WRN: variants seen among roughly 807,000 people sequenced by gnomAD.
WRN encodes bifunctional 3'-5' exonuclease/ATP-dependent helicase WRN.
Under a neutral mutation model 180.7 loss-of-function variants are expected in WRN, and 149 were observed. The observed-to-expected ratio is 0.82, with a 90% CI of 0.72 to 0.94. The LOEUF is 0.94. WRN is among the 40% of genes least tolerant of loss of function. The pLI is 0.00. For synonymous variants in WRN, 548 were observed against 568.9 expected, an observed-to-expected ratio of 0.96 and a Z score of 0.52; for missense variants, 1,661 against 1,700.1, an observed-to-expected ratio of 0.98 and a Z score of 0.40.
chr8:31,112,744 G>C (rs1394670749), intron 19 of WRN, among the ~76,000 whole-genome samples: 2 of 151,984 alleles, frequency 1.3e-5, no homozygotes, highest in Non-Finnish European at 2.9e-5. Flanking sequence ...GCGCCACCAT[G>C]CCAGGCTAAT....
In WRN at chr8:31,034,515, G is replaced by C. The variant is rs560857665; in HGVS notation, c.-77+542G>C. On this transcript the variant is annotated intron_variant, in intron 1 of 34. Transcript: ENST00000298139. Reference sequence around the variant, plus strand: ...TGCTAATACAGGAGTCTGTAAGTCGGAGTACTTCAGGCTTTTTATGGTTCG... The same window carrying C: ...TGCTAATACAGGAGTCTGTAAGTCGCAGTACTTCAGGCTTTTTATGGTTCG... 9.9e-5 allele frequency among the ~76,000 whole-genome samples: 15 copies of C among 152,280 alleles called. No individual in the cohort carries two copies. In the South Asian group the frequency reaches 3.1e-3, roughly 32 times the overall value.
At position 31,141,559 on chromosome 8, in the gene WRN, C is replaced by T. The variant is rs143954702; in HGVS notation, c.3097C>T (p.Arg1033Trp). The T allele has an allele frequency of 8.4e-5, 136 of 1,613,940 alleles. No homozygotes were observed. The highest frequency in any genetic ancestry group is 1.5e-4 in the African/African-American group (11 of 74,894). Residue 1033 changes from arginine to tryptophan, a missense_variant, in exon 25 of 35, where the codon CGG (arginine) becomes TGG (tryptophan). Arg to Trp is a moderately radical substitution (Grantham distance 101, BLOSUM62 -3). This residue lies in a region of WRN where 1,141 missense variants were observed against 1,149.4 expected (regional missense o/e 0.99). Transcript: ENST00000298139. ...ITEGFLVEVS[R>W]YNKFMKICAL... The stretch of plus-strand genomic sequence containing the variant: ...TGAGGGATTCTTGGTAGAAGTTTCT[C>T]GGTATAACAAATTTATGAAGATTTG...
At chr8:31,100,611 G>A (rs1219696494) in intron 17 of WRN, among the ~76,000 whole-genome samples, 1 of 152,114 alleles carries the variant, frequency 6.6e-6, no homozygotes, top group Non-Finnish European at 1.5e-5. Context: ...TAAATGTCTT[G>A]TTTGGATTAA....
Position 31,087,763 on chromosome 8 carries a change from T to G in WRN, c.1432-13T>G, listed in dbSNP as rs1813588647. The G allele has an allele frequency of 1.2e-6, 2 of 1,612,454 alleles. No homozygotes were observed. The highest frequency in any genetic ancestry group is 2.2e-5 in the South Asian group (2 of 90,978). On this transcript the variant is annotated splice_polypyrimidine_tract_variant and intron_variant, in intron 11 of 34. Transcript: ENST00000298139. ...CAGTGGTTTTGCTTTTAAGATTTCT[T>G]TTAAACTTTCAGTCTTTAGAAAACC...
Position 31,139,999 on chromosome 8 carries a change from C to CTT in WRN, c.2968-1429_2968-1428dup, listed in dbSNP as rs1563375284. On this transcript the variant is annotated intron_variant, in intron 24 of 34. Coordinates refer to ENST00000298139, the MANE Select transcript of WRN (RefSeq NM_000553.6). ...CATAAAGCTCTATGTTTGTATACTT[C>CTT]TTTGTTTTTTTTTTTTTTTTTTTTT... 3.8e-3 allele frequency among the ~76,000 whole-genome samples: 285 copies of CTT among 74,732 alleles called. 13 individuals carry two copies. Among genetic ancestry groups the CTT allele is most frequent in the African/African-American group, 0.014 (269 of 18,726 alleles). 49.0% of individuals were successfully genotyped at this position (74,732 alleles called of 152,430 possible). A position where few individuals can be genotyped will look rare whatever the true frequency, so the allele number is the denominator to read the frequency against.
At chr8:31,142,519 T>C (rs1481687201) in intron 26 of WRN, 107 bp from the exon 27 acceptor site, 37 of 851,622 alleles carry the variant, frequency 4.3e-5, no homozygotes, top group Non-Finnish European at 6.0e-5. Flanking sequence ...TCACCAGTTC[T>C]AAAAGGGTAA....
intron 21 of WRN, among the ~76,000 whole-genome samples, chr8:31,123,864 G>T (rs1202155952): frequency 1.3e-5 from 2 of 152,062 alleles, no homozygotes; most frequent in African/African-American, 2.4e-5. Context: ...AATTATGGCT[G>T]CATTGACTTT....
At chr8:31,089,022 G>A in intron 13 of WRN, 57 bp downstream of exon 13, 1 of 1,501,590 alleles carries the variant, frequency 6.7e-7, no homozygotes, top group Non-Finnish European at 9.1e-7. Flanking sequence ...TAAAACAAGG[G>A]AAAAGGCAAA....
chr8:31,101,054 A>G (rs550700142), intron 18 of WRN, 99 bp downstream of exon 18: 1 of 928,526 alleles, frequency 1.1e-6, no homozygotes, highest in South Asian at 1.4e-5. Flanking sequence ...TCACTATAAA[A>G]GAGCAAATGG....
chr8:31,093,761 T>C (rs1813850411), intron 16 of WRN, among the ~76,000 whole-genome samples: 1 of 152,150 alleles, frequency 6.6e-6, no homozygotes, highest in Non-Finnish European at 1.5e-5. Flanking sequence ...CCTTTTTGTT[T>C]TAACCCCAGT....
In WRN at chr8:31,111,813, G is replaced by A. The variant is rs770268829; in HGVS notation, c.2273+14G>A. The stretch of plus-strand genomic sequence containing the variant: ...TGTCAAAACAAGGTAAGGATTTAAT[G>A]GTTGATGAATTTTGGTAATGATTTC... On this transcript the variant is annotated intron_variant, in intron 19 of 34. Coordinates refer to ENST00000298139, the MANE Select transcript of WRN (RefSeq NM_000553.6). 3 of 1,610,868 alleles carry A rather than the reference G, an allele frequency of 1.9e-6. No individual in the cohort carries two copies. The highest frequency in any genetic ancestry group is 2.2e-5 in the South Asian group (2 of 90,082).
intron 34 of WRN, among the ~76,000 whole-genome samples, chr8:31,169,735 C>T (rs1234684691): frequency 2.6e-5 from 4 of 152,154 alleles, no homozygotes; most frequent in African/African-American, 9.7e-5. Context: ...ATGAGATCTA[C>T]TCTGCCATTT....
Position 31,173,891 on chromosome 8 carries a change from AG to A in WRN, c.*790del, listed in dbSNP as rs1804189321. ...TAATTTAAAACCTATACTGTGACAC[AG>A]AGTTGGGTAAACGATGATTATTTAA... On this transcript the variant is annotated 3_prime_UTR_variant, in exon 35 of 35. Coordinates refer to ENST00000298139, the MANE Select transcript of WRN (RefSeq NM_000553.6). 6.6e-6 allele frequency: 1 copy of A among 152,216 alleles called. No homozygotes were observed. The highest frequency in any genetic ancestry group is 1.5e-5 in the Non-Finnish European group (1 of 68,050). The allele number at this position is 152,216 out of a possible 1,614,324, so 9.4% of individuals were successfully genotyped here. A position where few individuals can be genotyped will look rare whatever the true frequency, so the allele number is the denominator to read the frequency against.
chr8:31,165,753 C>G (rs1386930796), intron 33 of WRN, among the ~76,000 whole-genome samples: 1 of 151,702 alleles, frequency 6.6e-6, no homozygotes, highest in African/African-American at 2.4e-5. Context: ...AATTTGAAGA[C>G]AAATAAAAGG....
chr8:31,167,195 A>G lies in WRN; in HGVS notation c.4156A>G (p.Lys1386Glu). ...PGSEEICSSS[K>E]RSKEEVGINT... ...TTCTGAAGAGATCTGTTCAAGTTCT[A>G]AGAGAAGCAAGGAAGAAGTAGGCAT... Residue 1386 changes from lysine to glutamate, a missense_variant, in exon 34 of 35, where the codon AAG (lysine) becomes GAG (glutamate). Transcript: ENST00000298139. The G allele has an allele frequency of 6.2e-7, 1 of 1,613,202 alleles. No individual in the cohort carries two copies. The highest frequency in any genetic ancestry group is 2.2e-5 in the East Asian group (1 of 44,840).
rs1811418672 is a variant in WRN at position 31,035,492 on chromosome 8, C to G, written c.-77+1519C>G. ...ACTTAAGAGGCCTAGTGAGCTGGAG[C>G]AGAGCGGAGAGGAGGTCAGAGGTCA... On this transcript the variant is annotated intron_variant, in intron 1 of 34. Transcript: ENST00000298139. Among the ~76,000 whole-genome samples, 3 of 151,990 alleles carry G rather than the reference C, an allele frequency of 2.0e-5. No individual in the cohort carries two copies. The South Asian group carries it at 6.2e-4, about 32-fold the overall frequency.
rs2247296 is a variant in WRN at position 31,089,089 on chromosome 8, T to G, written c.1652+124T>G. 33,978 of 746,400 alleles carry G rather than the reference T, an allele frequency of 0.046. 2,563 individuals carry two copies. The highest frequency in any genetic ancestry group is 0.24 in the East Asian group (8,794 of 36,320). 46.2% of individuals were successfully genotyped at this position (746,400 alleles called of 1,614,324 possible). A position where few individuals can be genotyped will look rare whatever the true frequency, so the allele number is the denominator to read the frequency against. ...TTCACTATAGTTATACATGCCACACTGTATTTTCTGTGTGACTACAAAATT... is the reference window on the plus strand; with the variant it reads ...TTCACTATAGTTATACATGCCACACGGTATTTTCTGTGTGACTACAAAATT... On this transcript the variant is annotated intron_variant, in intron 13 of 34. Coordinates refer to ENST00000298139, the MANE Select transcript of WRN (RefSeq NM_000553.6).
intron 29 of WRN, 103 bp downstream of exon 29, chr8:31,147,231 A>G (rs1395558991): frequency 6.7e-7 from 1 of 1,484,098 alleles, no homozygotes; most frequent in African/African-American, 1.4e-5. Context: ...ATTGTTCTTA[A>G]GCTAAGAGTC....
At chr8:31,149,117 C>T (rs951426344) in intron 30 of WRN, among the ~76,000 whole-genome samples, 3 of 152,134 alleles carry the variant, frequency 2.0e-5, no homozygotes, top group African/African-American at 7.2e-5. Flanking sequence ...AATATTCTGG[C>T]CGGGCGCTGT....
Sources: allele counts gnomAD v4.1 joint callset (sites outside exome capture counted in the v4.1 genomes callset), GRCh38; gene constraint gnomAD v4.1.1; regional missense constraint gnomAD v4.1.1; transcripts MANE v1.5; gene names NCBI Gene and HGNC (gene_info 2026-07-23, HGNC 2026-07-21).